Variants in POGLUT1 observed in about 807,000 individuals in gnomAD.
POGLUT1 encodes the protein 9630046K23Rik.
A neutral mutation model predicts 61.3 loss-of-function variants in POGLUT1; 32 were observed. The observed-to-expected ratio is 0.52, with a 90% CI of 0.39 to 0.70. The LOEUF (loss-of-function observed/expected upper bound fraction) is 0.70, where lower values mean the gene tolerates loss of function less well. Among genes scored for constraint, POGLUT1 ranks in the 30% least tolerant of loss-of-function variants. The pLI is 0.00. For missense variants in POGLUT1, 411 were observed against 469.8 expected (o/e 0.87, Z 1.16); for synonymous variants, 158 against 158.2 (o/e 1.00, Z 0.01).
chr3:119,485,496 CAAA>C (rs1239026587), intron 6 of POGLUT1, 109 bp downstream of exon 6: 1 of 628,140 alleles, frequency 1.6e-6, no homozygotes, highest in Admixed American at 3.2e-5. Context: ...GCTAAGATAA[CAAA>C]GAAAGAAATG....
rs1280662464 is a variant in POGLUT1 at position 119,477,427 on chromosome 3, C to T, written c.435C>T (p.Ile145=). ...TTCCTAAATGGATGGAGCCTGCCAT[C>T]CCAGTCTTCTCCTTCAGTAAGGTAA... ...PQVPKWMEPA[I]PVFSFSKTSE... is the part of the protein sequence containing the mutation. The change falls in exon 4 of 11, where the codon ATC becomes ATT. Residue 145 remains isoleucine (I), a synonymous_variant. Transcript: ENST00000295588. 1 of 1,614,108 alleles carries T rather than the reference C, an allele frequency of 6.2e-7. No individual in the cohort carries two copies. Among genetic ancestry groups the T allele is most frequent in the Non-Finnish European group, 8.5e-7 (1 of 1,179,966 alleles).
At chr3:119,481,852 G>A (rs2081608820) in intron 5 of POGLUT1, among the ~76,000 whole-genome samples, 1 of 152,118 alleles carries the variant, frequency 6.6e-6, no homozygotes, top group Non-Finnish European at 1.5e-5. Context: ...CATTGAGACT[G>A]TCATTTCTTG....
chr3:119,478,467 G>C (rs1314987015), intron 4 of POGLUT1: 4 of 455,902 alleles, frequency 8.8e-6, no homozygotes, highest in Non-Finnish European at 1.8e-5. Flanking sequence ...ACAGATAGAG[G>C]CTCCCATGTA....
At chr3:119,480,518 G>T (rs1377793955) in intron 5 of POGLUT1, among the ~76,000 whole-genome samples, 1 of 152,036 alleles carries the variant, frequency 6.6e-6, no homozygotes, top group Non-Finnish European at 1.5e-5. Flanking sequence ...AAAGTGCTGG[G>T]ATTACAGGCG....
chr3:119,481,494 T>C (rs779319425), intron 5 of POGLUT1, among the ~76,000 whole-genome samples: 2 of 152,202 alleles, frequency 1.3e-5, no homozygotes, highest in Non-Finnish European at 2.9e-5. Flanking sequence ...CTATCACCTC[T>C]CCCAAGTGTG....
At chr3:119,475,999 CAT>C (rs55675755) in intron 3 of POGLUT1, among the ~76,000 whole-genome samples, 18,290 of 89,950 alleles carry the variant, frequency 0.2, 1,386 homozygotes, top group East Asian at 0.39. Context: ...CACACAAACA[CAT>C]ACAGAGTTGC....
chr3:119,474,365 A>C (rs2107706529), intron 3 of POGLUT1, among the ~76,000 whole-genome samples: 1 of 152,262 alleles, frequency 6.6e-6, no homozygotes, highest in Non-Finnish European at 1.5e-5. Context: ...CAAGATAATG[A>C]ACCTTCCATC....
intron 3 of POGLUT1, among the ~76,000 whole-genome samples, chr3:119,475,269 T>C (rs1340152106): frequency 6.6e-6 from 1 of 152,228 alleles, no homozygotes; most frequent in African/African-American, 2.4e-5. Flanking sequence ...GATTTTGAGA[T>C]TGTTCCATAA....
At chr3:119,471,238 C>T in intron 2 of POGLUT1, 71 bp from the exon 3 acceptor site, 1 of 1,410,398 alleles carries the variant, frequency 7.1e-7, no homozygotes, top group South Asian at 1.2e-5. Flanking sequence ...AACCTAAATG[C>T]ACTTAGGAAG....
At chr3:119,484,948 G>T (rs2081647555) in intron 5 of POGLUT1, among the ~76,000 whole-genome samples, 1 of 152,212 alleles carries the variant, frequency 6.6e-6, no homozygotes, top group African/African-American at 2.4e-5. Flanking sequence ...CAGGCACAGT[G>T]GCTCACGCCT....
chr3:119,469,308 A>G, intron 1 of POGLUT1: 2 of 589,194 alleles, frequency 3.4e-6, no homozygotes, highest in Middle Eastern at 5.2e-4. Flanking sequence ...AGAGTAACCC[A>G]TTCCCCGGAA....
chr3:119,486,996 C>G (rs1386127077), intron 7 of POGLUT1, 64 bp downstream of exon 7: 4 of 1,051,510 alleles, frequency 3.8e-6, no homozygotes, highest in Non-Finnish European at 6.0e-6. Flanking sequence ...AACATTGCCA[C>G]CTGGGTAGAA....
intron 5 of POGLUT1, among the ~76,000 whole-genome samples, chr3:119,485,085 C>T (rs185785589): frequency 2.4e-4 from 37 of 152,148 alleles, no homozygotes; most frequent in African/African-American, 8.2e-4. Context: ...GGCGTGGTGG[C>T]GGGCGCCTGT....
intron 5 of POGLUT1, 39 bp downstream of exon 5, chr3:119,480,211 G>T: frequency 2.0e-6 from 3 of 1,485,600 alleles, no homozygotes; most frequent in Non-Finnish European, 2.7e-6. Context: ...TCTCTTTCTG[G>T]GTTTTCTTGA....
chr3:119,471,200 C>A, intron 2 of POGLUT1, 109 bp from the exon 3 acceptor site: 1 of 927,244 alleles, frequency 1.1e-6, no homozygotes, highest in Non-Finnish European at 1.7e-6. Context: ...CGATTCTTTC[C>A]TTCCACTTAC....
chr3:119,486,988 C>T (rs2081672657), intron 7 of POGLUT1, 56 bp downstream of exon 7: 1 of 1,106,330 alleles, frequency 9.0e-7, no homozygotes, highest in African/African-American at 1.5e-5. Flanking sequence ...ACTCAAAGAA[C>T]ATTGCCACCT....
At chr3:119,482,858 G>T (rs2081621307) in intron 5 of POGLUT1, among the ~76,000 whole-genome samples, 1 of 152,170 alleles carries the variant, frequency 6.6e-6, no homozygotes, top group Admixed American at 6.5e-5. Flanking sequence ...ATTTGTTACT[G>T]TCAGAGAGGG....
In POGLUT1 at chr3:119,487,116, G is replaced by T; in HGVS notation, c.738+184G>T. The T allele has an allele frequency of 5.1e-6, 3 of 593,860 alleles. No individual in the cohort carries two copies. In the South Asian group the frequency reaches 6.0e-5, roughly 12 times the overall value. The allele number at this position is 593,860 out of a possible 1,614,324, so 36.8% of individuals were successfully genotyped here. ...TTTTCAAACTTACATTGCTTTTCTG[G>T]CCATATTATGACTAGTATATTGCAC... On this transcript the variant is annotated intron_variant, in intron 7 of 10. Transcript: ENST00000295588.
chr3:119,491,500 A>T lies in POGLUT1; in HGVS notation c.966-18A>T. ...AAGTTGGTCTATATTTCACAGTCTA[A>T]AATTCTTTTCATTTTAGAGAGCTGT... On this transcript the variant is annotated intron_variant, in intron 9 of 10. Coordinates refer to ENST00000295588, the MANE Select transcript of POGLUT1 (RefSeq NM_152305.3). 2.2e-6 allele frequency: 3 copies of T among 1,364,866 alleles called. No individual in the cohort carries two copies. The highest frequency in any genetic ancestry group is 3.1e-6 in the Non-Finnish European group (3 of 968,234). 84.5% of individuals were successfully genotyped at this position (1,364,866 alleles called of 1,614,324 possible).
Sources: allele counts gnomAD v4.1 joint callset (sites outside exome capture counted in the v4.1 genomes callset), GRCh38; gene constraint gnomAD v4.1.1; transcripts MANE v1.5; gene names NCBI Gene and HGNC (gene_info 2026-07-23, HGNC 2026-07-21).